The following PIN4 variants were observed in gnomAD, a reference collection of about 807,000 sequenced individuals.
PIN4 encodes peptidylprolyl cis/trans isomerase, NIMA-interacting 4.
Under a neutral mutation model 8.3 loss-of-function variants are expected in PIN4, and 3 were observed. That is an observed-to-expected ratio of 0.36 (90% CI 0.16 to 0.93). The LOEUF (loss-of-function observed/expected upper bound fraction) is 0.93. PIN4 is among the 40% of genes least tolerant of loss of function. PIN4 has a pLI of 0.44. For missense variants in PIN4, 75 were observed against 100.6 expected, an observed-to-expected ratio of 0.75 and a Z score of 1.09; for synonymous variants, 18 against 32.5, an observed-to-expected ratio of 0.55 and a Z score of 1.52.
At chrX:72,233,511 A>T (rs775041742) in intron 3 of PIN4, among the ~76,000 whole-genome samples, 2 of 109,602 alleles carry the variant, frequency 1.8e-5, no homozygotes, top group Admixed American at 2.0e-4. Flanking sequence ...ATCACTGGTC[A>T]GGAGTTCAGG....
chrX:72,230,660 TA>T (rs1263947263), intron 3 of PIN4, among the ~76,000 whole-genome samples: 2 of 112,016 alleles, frequency 1.8e-5, no homozygotes, highest in Admixed American at 9.5e-5. Flanking sequence ...GGTACTATTA[TA>T]AATTAGCATG....
intron 3 of PIN4, among the ~76,000 whole-genome samples, chrX:72,239,219 C>T (rs1249492188): frequency 1.8e-5 from 2 of 113,067 alleles, no homozygotes; most frequent in African/African-American, 6.4e-5. Flanking sequence ...TGTGATCCCT[C>T]GCGTTTCAAT....
intron 3 of PIN4, among the ~76,000 whole-genome samples, chrX:72,217,389 T>C (rs2042892497): frequency 2.7e-5 from 3 of 111,793 alleles, no homozygotes; most frequent in South Asian, 7.5e-4. Flanking sequence ...AAATAGTTCT[T>C]GTCTGAGGAA....
Position 72,198,321 on chromosome X carries a change from A to G in PIN4, c.*795A>G. On this transcript the variant is annotated 3_prime_UTR_variant, in exon 4 of 4. Transcript: ENST00000373669. ...AATATAAATACTATACTGCTTCAAA[A>G]ATAAAACTTTGCCAACACAGCTATG... 1.4e-6 allele frequency: 1 copy of G among 732,838 alleles called. No homozygotes were observed. Among genetic ancestry groups the G allele is most frequent in the South Asian group, 6.9e-5 (1 of 14,400 alleles). The allele number at this position is 732,838 out of a possible 1,213,427, so 60.4% of individuals were successfully genotyped here. A position where few individuals can be genotyped will look rare whatever the true frequency, so the allele number is the denominator to read the frequency against.
intron 1 of PIN4, among the ~76,000 whole-genome samples, chrX:72,185,157 A>AAAAAAAAC (rs2042695193): frequency 9.6e-6 from 1 of 103,940 alleles, no homozygotes; most frequent in African/African-American, 3.4e-5. Flanking sequence ...CAAAAAAAAA[A>AAAAAAAAC]AAAAAAAAAC....
intron 3 of PIN4, among the ~76,000 whole-genome samples, chrX:72,243,274 C>T (rs1272334920): frequency 8.9e-6 from 1 of 111,793 alleles, no homozygotes; most frequent in African/African-American, 3.3e-5. Context: ...AAGATCATGC[C>T]ATTGCACTCC....
At chrX:72,218,614 C>T (rs1227241343) in intron 3 of PIN4, among the ~76,000 whole-genome samples, 2 of 109,555 alleles carry the variant, frequency 1.8e-5, no homozygotes, top group Non-Finnish European at 3.8e-5. Flanking sequence ...CTGCCTCAAC[C>T]TCCCGAGCAG....
At chrX:72,209,584 C>T (rs749776909) in intron 3 of PIN4, among the ~76,000 whole-genome samples, 5 of 111,482 alleles carry the variant, frequency 4.5e-5, no homozygotes, top group African/African-American at 6.5e-5. Flanking sequence ...GTCCTACTAA[C>T]TTTATTTCCC....
chrX:72,191,807 A>T (rs1173147962), intron 2 of PIN4, among the ~76,000 whole-genome samples: 1 of 111,203 alleles, frequency 9.0e-6, no homozygotes, highest in East Asian at 2.8e-4. Flanking sequence ...AATTTTTCAA[A>T]CCGTGTTCTG....
chrX:72,239,232 A>G (rs17302362), intron 3 of PIN4, among the ~76,000 whole-genome samples: 28,726 of 111,863 alleles, frequency 0.26, 2,798 homozygotes, highest in East Asian at 0.5. Flanking sequence ...GTTTCAATCC[A>G]ATTCAAACCA....
intron 2 of PIN4, among the ~76,000 whole-genome samples, chrX:72,191,476 G>A (rs899405208): frequency 6.3e-5 from 7 of 111,163 alleles, no homozygotes; most frequent in African/African-American, 2.3e-4. Flanking sequence ...ACTTGGACCC[G>A]AGAGGCGGAG....
intron 3 of PIN4, chrX:72,206,615 G>A: frequency 8.3e-7 from 1 of 1,211,350 alleles, no homozygotes; most frequent in Non-Finnish European, 1.1e-6. Flanking sequence ...TGTTCCATCA[G>A]GAACTCTTTA....
At chrX:72,248,542 T>C (rs1387448015) in intron 3 of PIN4, among the ~76,000 whole-genome samples, 2 of 111,258 alleles carry the variant, frequency 1.8e-5, no homozygotes, top group Admixed American at 9.7e-5. Context: ...AAACCCTCTC[T>C]CCTAAAATCC....
chrX:72,200,885 G>A (rs1374436565), downstream of PIN4, among the ~76,000 whole-genome samples: 1 of 112,183 alleles, frequency 8.9e-6, no homozygotes, highest in Non-Finnish European at 1.9e-5. Context: ...AGTTTGCCCA[G>A]CCTATGGATC....
At chrX:72,244,377 C>A (rs1390979871) in intron 3 of PIN4, among the ~76,000 whole-genome samples, 3 of 111,280 alleles carry the variant, frequency 2.7e-5, no homozygotes, top group Non-Finnish European at 5.7e-5. Context: ...GAGGAGTTAA[C>A]CAAACAAAAA....
intron 3 of PIN4, chrX:72,205,282 G>A: frequency 7.4e-6 from 9 of 1,211,970 alleles, no homozygotes; most frequent in South Asian, 3.5e-5. Flanking sequence ...AGGCTTAGAC[G>A]TCATTAACCA....
intron 3 of PIN4, among the ~76,000 whole-genome samples, chrX:72,209,556 C>T (rs1415083160): frequency 9.0e-6 from 1 of 111,622 alleles, no homozygotes; most frequent in Non-Finnish European, 1.9e-5. Flanking sequence ...GCCCCACCCC[C>T]AGGCCAGGCA....
intron 3 of PIN4, among the ~76,000 whole-genome samples, chrX:72,258,191 G>A (rs1030793695): frequency 1.1e-4 from 12 of 112,003 alleles, no homozygotes; most frequent in African/African-American, 3.9e-4. Flanking sequence ...ACAGAGAGGC[G>A]TGAGGAGATG....
At chrX:72,244,943 G>T (rs1323639898) in intron 3 of PIN4, among the ~76,000 whole-genome samples, 1 of 105,760 alleles carries the variant, frequency 9.5e-6, no homozygotes, top group Non-Finnish European at 1.9e-5. Context: ...GTGTGGTGGT[G>T]TGTGCTGTAG....
Sources: allele counts gnomAD v4.1 joint callset (sites outside exome capture counted in the v4.1 genomes callset), GRCh38; gene constraint gnomAD v4.1.1; transcripts MANE v1.5; gene names NCBI Gene and HGNC (gene_info 2026-07-23, HGNC 2026-07-21).